The following LRRTM3 variants were observed in gnomAD, a reference collection of about 807,000 sequenced individuals.
LRRTM3 encodes the protein leucine-rich repeat transmembrane neuronal protein 3.
A neutral mutation model predicts 44.7 loss-of-function variants in LRRTM3; 24 were observed. The observed-to-expected ratio is 0.54, with a 90% CI of 0.39 to 0.76. The LOEUF (loss-of-function observed/expected upper bound fraction) is 0.76, where lower values mean the gene tolerates loss of function less well. LRRTM3 is among the 30% of genes least tolerant of loss of function. The pLI, the probability that LRRTM3 is intolerant of heterozygous loss-of-function variation, is 0.00. For missense variants in LRRTM3, 587 were observed against 702.2 expected, an observed-to-expected ratio of 0.84 and a Z score of 1.85; for synonymous variants, 277 against 278.7, an observed-to-expected ratio of 0.99 and a Z score of 0.06.
At chr10:67,036,131 A>G (rs535511873) in intron 2 of LRRTM3, among the ~76,000 whole-genome samples, 196 of 152,238 alleles carry the variant, frequency 1.3e-3, no homozygotes, top group African/African-American at 4.5e-3. Flanking sequence ...ATTGTTTTAC[A>G]TAATTTGGGG....
chr10:67,033,104 C>G (rs1318243605), intron 2 of LRRTM3, among the ~76,000 whole-genome samples: 1 of 152,106 alleles, frequency 6.6e-6, no homozygotes, highest in African/African-American at 2.4e-5. Context: ...CTTAAAAGAA[C>G]TATTTTAACA....
At chr10:67,024,880 T>C (rs1853256289) in intron 2 of LRRTM3, among the ~76,000 whole-genome samples, 1 of 152,030 alleles carries the variant, frequency 6.6e-6, no homozygotes, top group African/African-American at 2.4e-5. Context: ...CTGTAAATCC[T>C]AGCACTTTAG....
intron 2 of LRRTM3, among the ~76,000 whole-genome samples, chr10:67,077,508 C>T (rs551338170): frequency 6.6e-6 from 1 of 152,138 alleles, no homozygotes; most frequent in Non-Finnish European, 1.5e-5. Flanking sequence ...CTGCCTGCCT[C>T]TCATCCTTTG....
At chr10:67,002,185 T>G (rs1851728661) in intron 2 of LRRTM3, among the ~76,000 whole-genome samples, 1 of 152,226 alleles carries the variant, frequency 6.6e-6, no homozygotes, top group Admixed American at 6.5e-5. Flanking sequence ...TTTCCTCATA[T>G]TCTCTTAAAC....
intron 2 of LRRTM3, among the ~76,000 whole-genome samples, chr10:67,025,546 G>T (rs1250404403): frequency 2.6e-5 from 4 of 152,030 alleles, no homozygotes; most frequent in African/African-American, 7.2e-5. Context: ...AATGTATTTT[G>T]CATCTTGTTA....
intron 2 of LRRTM3, among the ~76,000 whole-genome samples, chr10:67,064,725 T>C (rs1855964711): frequency 6.6e-6 from 1 of 152,228 alleles, no homozygotes; most frequent in Admixed American, 6.5e-5. Flanking sequence ...GAGGTATTAA[T>C]TGAAATTTAA....
chr10:67,088,425 A>G (rs1857429656), intron 2 of LRRTM3, among the ~76,000 whole-genome samples: 1 of 152,008 alleles, frequency 6.6e-6, no homozygotes, highest in Non-Finnish European at 1.5e-5. Context: ...GCTTCATAAA[A>G]CACAAAATAT....
chr10:67,040,435 G>A (rs1198833435), intron 2 of LRRTM3, among the ~76,000 whole-genome samples: 1 of 152,098 alleles, frequency 6.6e-6, no homozygotes, highest in Non-Finnish European at 1.5e-5. Context: ...TGGATGCAAA[G>A]TATCCAATTT....
intron 2 of LRRTM3, among the ~76,000 whole-genome samples, chr10:67,089,518 T>C (rs930299999): frequency 6.6e-6 from 1 of 151,992 alleles, no homozygotes; most frequent in African/African-American, 2.4e-5. Flanking sequence ...AGTTTCAAAG[T>C]AAAGTATATT....
At chr10:67,091,261 GTCA>G (rs1256050645) in intron 2 of LRRTM3, among the ~76,000 whole-genome samples, 1 of 151,754 alleles carries the variant, frequency 6.6e-6, no homozygotes, top group Admixed American at 6.6e-5. Context: ...AAAGAATAAA[GTCA>G]TCATCAAGTG....
intron 2 of LRRTM3, among the ~76,000 whole-genome samples, chr10:66,986,411 C>T (rs937813415): frequency 1.1e-4 from 17 of 152,108 alleles, no homozygotes; most frequent in African/African-American, 2.9e-4. Flanking sequence ...ACAGGAGAAT[C>T]GCTTGAACCC....
intron 2 of LRRTM3, among the ~76,000 whole-genome samples, chr10:67,027,726 G>A (rs1853481061): frequency 6.6e-6 from 1 of 152,036 alleles, no homozygotes; most frequent in South Asian, 2.1e-4. Context: ...ACCGTGCCCG[G>A]CTGACATTTT....
intron 2 of LRRTM3, among the ~76,000 whole-genome samples, chr10:66,942,044 G>A (rs997540194): frequency 6.6e-6 from 1 of 152,096 alleles, no homozygotes; most frequent in African/African-American, 2.4e-5. Context: ...CTGGTAGCAC[G>A]GCATGGTATC....
intron 2 of LRRTM3, among the ~76,000 whole-genome samples, chr10:66,990,177 C>G (rs1335337852): frequency 6.6e-6 from 1 of 152,108 alleles, no homozygotes; most frequent in Non-Finnish European, 1.5e-5. Flanking sequence ...GTTGAATCTG[C>G]TTCATGAACC....
chr10:66,926,859 GC>G (rs1271841361), intron 1 of LRRTM3, 61 bp from the exon 2 acceptor site: 1 of 1,410,454 alleles, frequency 7.1e-7, no homozygotes, highest in African/African-American at 1.4e-5. Context: ...GCCTATTTTT[GC>G]TTGATTAAGG....
intron 2 of LRRTM3, among the ~76,000 whole-genome samples, chr10:67,076,800 A>T (rs1427419071): frequency 1.3e-5 from 2 of 152,214 alleles, no homozygotes; most frequent in African/African-American, 4.8e-5. Context: ...ACTTACCTTT[A>T]GAAAAATGCT....
intron 2 of LRRTM3, among the ~76,000 whole-genome samples, chr10:67,081,231 G>T (rs1369365527): frequency 1.3e-5 from 2 of 152,118 alleles, no homozygotes; most frequent in East Asian, 3.9e-4. Flanking sequence ...TGTTGGCAGG[G>T]CATTTAAAAT....
At chr10:67,014,822 C>T (rs1852557513) in intron 2 of LRRTM3, among the ~76,000 whole-genome samples, 1 of 151,794 alleles carries the variant, frequency 6.6e-6, no homozygotes, top group Non-Finnish European at 1.5e-5. Context: ...CCAAACATAG[C>T]TAAATGTTTA....
intron 2 of LRRTM3, among the ~76,000 whole-genome samples, chr10:66,932,379 C>T (rs1797466486): frequency 1.3e-5 from 2 of 152,130 alleles, no homozygotes; most frequent in Admixed American, 1.3e-4. Context: ...AGCATCAGGT[C>T]ATGAAGCCTG....
Sources: allele counts gnomAD v4.1 joint callset (sites outside exome capture counted in the v4.1 genomes callset), GRCh38; gene constraint gnomAD v4.1.1; transcripts MANE v1.5; gene names NCBI Gene and HGNC (gene_info 2026-07-23, HGNC 2026-07-21).